INPP4A: variants seen among roughly 807,000 people sequenced by gnomAD.
The protein encoded by INPP4A is inositol polyphosphate-4-phosphatase, type I, 107kD.
In INPP4A, 33 loss-of-function variants were observed where a neutral mutation model predicts 119.8. The ratio of observed to expected loss-of-function variants is 0.28; its 90% CI spans 0.21 to 0.37. INPP4A has a LOEUF of 0.37. Among genes scored for constraint, INPP4A ranks in the 10% least tolerant of loss-of-function variants. INPP4A has a pLI of 1.00. For synonymous variants in INPP4A, 496 were observed against 500.7 expected (o/e 0.99, Z 0.12); for missense variants, 956 against 1,289.9 (o/e 0.74, Z 3.97).
chr2:98,586,794 G>A (rs1049533957), intron 24 of INPP4A, among the ~76,000 whole-genome samples: 3 of 152,176 alleles, frequency 2.0e-5, no homozygotes, highest in African/African-American at 7.2e-5. Context: ...AACACATGGG[G>A]GCAGCCCACC....
intron 1 of INPP4A, among the ~76,000 whole-genome samples, chr2:98,464,976 G>C (rs773080525): frequency 1.8e-4 from 28 of 152,178 alleles, no homozygotes; most frequent in Non-Finnish European, 2.2e-4. Flanking sequence ...TTTGAGGATG[G>C]GTTGGTGGCC....
At chr2:98,565,025 G>T (rs1696177469) in intron 19 of INPP4A, among the ~76,000 whole-genome samples, 1 of 152,242 alleles carries the variant, frequency 6.6e-6, no homozygotes, top group Non-Finnish European at 1.5e-5. Context: ...CACCAGTGCA[G>T]CAGTGACATC....
intron 11 of INPP4A, 115 bp downstream of exon 11, chr2:98,544,122 G>A (rs1692045944): frequency 8.3e-6 from 8 of 963,196 alleles, no homozygotes; most frequent in Non-Finnish European, 1.2e-5. Flanking sequence ...GGAACACAGG[G>A]TCACTTACAC....
At chr2:98,561,188 G>T (rs1402563580) in intron 17 of INPP4A, among the ~76,000 whole-genome samples, 1 of 152,192 alleles carries the variant, frequency 6.6e-6, no homozygotes, top group Non-Finnish European at 1.5e-5. Flanking sequence ...TATGGCCCAT[G>T]AATTCACTAC....
chr2:98,444,671 G>C (rs1165090833), upstream of INPP4A, among the ~76,000 whole-genome samples: 1 of 152,242 alleles, frequency 6.6e-6, no homozygotes, highest in Non-Finnish European at 1.5e-5. Flanking sequence ...GCAGTCACAG[G>C]ATAGGGTGGG....
chr2:98,542,363 T>G (rs565949217), intron 10 of INPP4A, among the ~76,000 whole-genome samples: 14 of 152,356 alleles, frequency 9.2e-5, no homozygotes, highest in African/African-American at 3.4e-4. Context: ...TCAGATTTCC[T>G]AAGAACTTAT....
chr2:98,573,044 G>T, intron 23 of INPP4A, 117 bp downstream of exon 23: 1 of 753,116 alleles, frequency 1.3e-6, no homozygotes, highest in Non-Finnish European at 2.2e-6. Context: ...ACTGGGAGAG[G>T]AGGGAGTCAC....
At chr2:98,476,497 G>A (rs1252086710) in intron 1 of INPP4A, among the ~76,000 whole-genome samples, 1 of 152,176 alleles carries the variant, frequency 6.6e-6, no homozygotes, top group African/African-American at 2.4e-5. Flanking sequence ...GCCCCCTTTA[G>A]GTATCTGGTC....
chr2:98,482,154 G>C (rs554443941), intron 1 of INPP4A, among the ~76,000 whole-genome samples: 14 of 152,340 alleles, frequency 9.2e-5, no homozygotes, highest in Non-Finnish European at 1.3e-4. Context: ...CAGAAGCCAC[G>C]TTAAAGTGGC....
At chr2:98,580,070 C>T (rs1410583073) in intron 24 of INPP4A, among the ~76,000 whole-genome samples, 4 of 152,254 alleles carry the variant, frequency 2.6e-5, no homozygotes, top group Admixed American at 6.5e-5. Context: ...GGCTGCAAGC[C>T]GAGGTGGCTG....
At position 98,570,634 on chromosome 2, in the gene INPP4A, G is replaced by A. The variant is rs777988679; in HGVS notation, c.2518+1966G>A. ...GGGCCATGGGAGTGCTCAAAGGTCC[G>A]AGGGAAGGAGAACACACAGGGCTGG... On this transcript the variant is annotated intron_variant, in intron 22 of 24. Coordinates refer to ENST00000409851, the MANE Select transcript of INPP4A (RefSeq NM_001134225.2). The surrounding 1 kb of genome is among the most constrained non-coding windows in gnomAD (Gnocchi z 4.3). 3.9e-5 allele frequency among the ~76,000 whole-genome samples: 6 copies of A among 152,276 alleles called. No individual in the cohort carries two copies. Among genetic ancestry groups the A allele is most frequent in the Non-Finnish European group, 7.4e-5 (5 of 68,006 alleles).
In INPP4A at chr2:98,563,451, C is replaced by A; in HGVS notation, c.1856-14C>A. 6.2e-7 allele frequency: 1 copy of A among 1,609,016 alleles called. No homozygotes were observed. The highest frequency in any genetic ancestry group is 8.5e-7 in the Non-Finnish European group (1 of 1,177,078). On this transcript the variant is annotated splice_polypyrimidine_tract_variant and intron_variant, in intron 17 of 24. Coordinates refer to ENST00000409851, the MANE Select transcript of INPP4A (RefSeq NM_001134225.2). ...CTCTCTCTCATTGTGATGACCCCTT[C>A]GCTTGTGCCCCAGGTGAATGGAGTG...
intron 3 of INPP4A, among the ~76,000 whole-genome samples, 189 bp downstream of exon 3, chr2:98,520,343 A>G (rs557001790): frequency 2.6e-5 from 4 of 152,072 alleles, no homozygotes; most frequent in Non-Finnish European, 4.4e-5. Context: ...CTTCCTGTGA[A>G]CCGCTTCTGC....
Position 98,533,344 on chromosome 2 carries a change from AG to A in INPP4A, c.152-31del, listed in dbSNP as rs769101903. The A allele has an allele frequency of 1.4e-5, 19 of 1,377,286 alleles. No homozygotes were observed. In the African/African-American group the frequency reaches 2.3e-4, roughly 16 times the overall value. 85.3% of individuals were successfully genotyped at this position (1,377,286 alleles called of 1,614,324 possible). A position where few individuals can be genotyped will look rare whatever the true frequency, so the allele number is the denominator to read the frequency against. On this transcript the variant is annotated intron_variant, in intron 4 of 24. Transcript: ENST00000409851. ...AAAACTAATCAGAGTCTGGTTTTAAAGGATTCATTTCTTTCCCGTGTTGATT... is the reference window on the plus strand; with the variant it reads ...AAAACTAATCAGAGTCTGGTTTTAAAGATTCATTTCTTTCCCGTGTTGATT...
rs753243964 is a variant in INPP4A, at chr2:98,566,032, C to T, written c.2283C>T (p.Asp761=). The T allele has an allele frequency of 8.7e-6, 14 of 1,605,450 alleles. No homozygotes were observed. Among genetic ancestry groups the T allele is most frequent in the East Asian group, 4.5e-5 (2 of 44,258 alleles). ...DMLPVITGNR[D]GFNVRVPLPG... is the part of the protein sequence containing the mutation. The stretch of plus-strand genomic sequence containing the variant: ...CCCTCTCTCCACCTTTCTCCAGCGA[C>T]GGGTTTAACGTGCGGGTCCCTCTGC... Residue 761 remains aspartate, a synonymous_variant, in exon 21 of 25, where the codon GAC becomes GAT. Transcript: ENST00000409851. The surrounding 1 kb of genome is among the most constrained non-coding windows in gnomAD (Gnocchi z 4.2).
At chr2:98,455,622 G>A (rs1372590778) in intron 1 of INPP4A, among the ~76,000 whole-genome samples, 1 of 152,178 alleles carries the variant, frequency 6.6e-6, no homozygotes, top group Non-Finnish European at 1.5e-5. Flanking sequence ...CTCCCTGACA[G>A]TGGAATGGAG....
Position 98,520,002 on chromosome 2 carries a change from G to T in INPP4A, c.-47G>T. 6.8e-7 allele frequency: 1 copy of T among 1,473,424 alleles called. No individual in the cohort carries two copies. The highest frequency in any genetic ancestry group is 9.3e-7 in the Non-Finnish European group (1 of 1,074,452). 91.3% of individuals were successfully genotyped at this position (1,473,424 alleles called of 1,614,324 possible). A position where few individuals can be genotyped will look rare whatever the true frequency, so the allele number is the denominator to read the frequency against. On this transcript the variant is annotated 5_prime_UTR_variant, in exon 3 of 25. Coordinates refer to ENST00000409851, the MANE Select transcript of INPP4A (RefSeq NM_001134225.2). ...GTGCCAGCACTTCCCGGGTAATCAG[G>T]CGTGGTCTGACCGAGGATCAAGAAG...
At chr2:98,578,465 G>A (rs577351296) in intron 24 of INPP4A, among the ~76,000 whole-genome samples, 2 of 152,316 alleles carry the variant, frequency 1.3e-5, no homozygotes, top group East Asian at 1.9e-4. Context: ...CAGTCCATGC[G>A]GAAACCTCTA....
intron 1 of INPP4A, among the ~76,000 whole-genome samples, chr2:98,474,974 G>A (rs899683120): frequency 3.3e-5 from 5 of 152,218 alleles, no homozygotes; most frequent in Admixed American, 2.6e-4. Context: ...GGAGACAAGG[G>A]TGTACACTGT....
Sources: allele counts gnomAD v4.1 joint callset (sites outside exome capture counted in the v4.1 genomes callset), GRCh38; gene constraint gnomAD v4.1.1; non-coding constraint Gnocchi (gnomAD v3.1); transcripts MANE v1.5; gene names NCBI Gene and HGNC (gene_info 2026-07-23, HGNC 2026-07-21).